The following BRINP2 variants were observed in gnomAD, a reference collection of about 807,000 sequenced individuals.
BRINP2 encodes the protein BMP/retinoic acid-inducible neural-specific protein 2.
A neutral mutation model predicts 69.2 loss-of-function variants in BRINP2; 21 were observed. The ratio of observed to expected loss-of-function variants is 0.30; its 90% CI spans 0.22 to 0.44. BRINP2 has a LOEUF of 0.44. BRINP2 is among the 20% of genes least tolerant of loss of function. The pLI is 1.00. For synonymous variants in BRINP2, 380 were observed against 394.1 expected, an observed-to-expected ratio of 0.96 and a Z score of 0.42; for missense variants, 877 against 986.0, an observed-to-expected ratio of 0.89 and a Z score of 1.48.
At chr1:177,197,744 C>A (rs1284867817) in intron 1 of BRINP2, among the ~76,000 whole-genome samples, 1 of 152,030 alleles carries the variant, frequency 6.6e-6, no homozygotes, top group East Asian at 1.9e-4. Flanking sequence ...TGCAAAAGGG[C>A]CAGAGAAAGG....
At chr1:177,220,431 T>G (rs765602780) in intron 1 of BRINP2, among the ~76,000 whole-genome samples, 2 of 152,048 alleles carry the variant, frequency 1.3e-5, no homozygotes, top group African/African-American at 2.4e-5. Context: ...AAGTGTGCAG[T>G]ACCTCCCCCA....
chr1:177,201,083 T>A (rs1648896006), intron 1 of BRINP2, among the ~76,000 whole-genome samples: 1 of 152,046 alleles, frequency 6.6e-6, no homozygotes, highest in South Asian at 2.1e-4. Flanking sequence ...TTGGGTACAG[T>A]GTATGCTGCT....
intron 1 of BRINP2, among the ~76,000 whole-genome samples, chr1:177,209,638 T>C (rs1167532651): frequency 6.6e-6 from 1 of 152,178 alleles, no homozygotes; most frequent in East Asian, 1.9e-4. Context: ...AGCAACCAAG[T>C]GTGAGACACT....
chr1:177,280,326 A>C (rs758693131), intron 7 of BRINP2, 86 bp from the exon 8 acceptor site: 14 of 1,312,068 alleles, frequency 1.1e-5, no homozygotes, highest in Non-Finnish European at 1.5e-5. Context: ...TTCCACGCCT[A>C]GTGGTCAATG....
intron 1 of BRINP2, among the ~76,000 whole-genome samples, chr1:177,198,828 C>T (rs930164811): frequency 3.9e-5 from 6 of 152,204 alleles, no homozygotes; most frequent in Non-Finnish European, 8.8e-5. Flanking sequence ...GCTCTGCAAA[C>T]ACCTTTTGAA....
intron 1 of BRINP2, among the ~76,000 whole-genome samples, chr1:177,210,971 T>A (rs1649205327): frequency 6.8e-6 from 1 of 146,512 alleles, no homozygotes; most frequent in Non-Finnish European, 1.5e-5. Flanking sequence ...TTAATATAGC[T>A]ATTAGTAAAT....
intron 1 of BRINP2, among the ~76,000 whole-genome samples, chr1:177,227,206 T>C (rs1558166792): frequency 6.6e-6 from 1 of 152,150 alleles, no homozygotes; most frequent in Non-Finnish European, 1.5e-5. Context: ...TCTTGGTCAT[T>C]TGGGAATTCT....
At position 177,171,196 on chromosome 1, in the gene BRINP2, GTC is replaced by G. The variant is rs1172122409; in HGVS notation, c.-609_-608del. 1.3e-5 allele frequency among the ~76,000 whole-genome samples: 2 copies of G among 152,246 alleles called. No homozygotes were observed. Among genetic ancestry groups the G allele is most frequent in the African/African-American group, 2.4e-5 (1 of 41,476 alleles). On this transcript the variant is annotated 5_prime_UTR_variant, in exon 1 of 8. Coordinates refer to ENST00000361539, the MANE Select transcript of BRINP2 (RefSeq NM_021165.4). ...AGGGAGCGGTGAAGCCGGAAGACCTGTCTCTGCCCATGTGCAAGGCAGTGATT... is the reference window on the plus strand; with the variant it reads ...AGGGAGCGGTGAAGCCGGAAGACCTGTCTGCCCATGTGCAAGGCAGTGATT...
At chr1:177,243,522 C>T (rs1433673303) in intron 2 of BRINP2, among the ~76,000 whole-genome samples, 1 of 152,102 alleles carries the variant, frequency 6.6e-6, no homozygotes. Flanking sequence ...GAAATGGGAG[C>T]ATGGCTACTT....
chr1:177,184,061 T>C (rs1340034138), intron 1 of BRINP2, among the ~76,000 whole-genome samples: 1 of 152,216 alleles, frequency 6.6e-6, no homozygotes, highest in East Asian at 1.9e-4. Flanking sequence ...CAGCTCCTTA[T>C]AGGCCGATGG....
intron 3 of BRINP2, chr1:177,256,636 T>G: frequency 9.7e-7 from 1 of 1,031,258 alleles, no homozygotes; most frequent in South Asian, 3.7e-5. Context: ...AGGATCAAAA[T>G]CTCTGAAGAT....
In BRINP2 at chr1:177,243,229, C is replaced by T. The variant is rs566256087; in HGVS notation, c.270-12690C>T. On this transcript the variant is annotated intron_variant, in intron 2 of 7. Transcript: ENST00000361539. ...ATAGGTAGTCTTACTCTACCAGACT[C>T]GTTTTATGCATAGAACGCTGTACAT... 2.8e-4 allele frequency among the ~76,000 whole-genome samples: 42 copies of T among 152,224 alleles called. No homozygotes were observed. In the South Asian group the frequency reaches 3.5e-3, roughly 13 times the overall value.
chr1:177,185,400 G>A (rs767875631), intron 1 of BRINP2, among the ~76,000 whole-genome samples: 8 of 152,064 alleles, frequency 5.3e-5, no homozygotes, highest in East Asian at 1.9e-4. Flanking sequence ...AAGTACTGCC[G>A]TAAGGGAGAA....
At chr1:177,262,826 G>A (rs1203268636) in intron 4 of BRINP2, among the ~76,000 whole-genome samples, 1 of 152,180 alleles carries the variant, frequency 6.6e-6, no homozygotes, top group Non-Finnish European at 1.5e-5. Flanking sequence ...GAGAATAAGA[G>A]CTAAGAGTGT....
At chr1:177,207,688 G>T (rs563876437) in intron 1 of BRINP2, among the ~76,000 whole-genome samples, 1 of 152,118 alleles carries the variant, frequency 6.6e-6, no homozygotes, top group Admixed American at 6.6e-5. Context: ...GTCAGTTGCC[G>T]ACATGGTGGC....
chr1:177,193,544 A>G (rs1648650589), intron 1 of BRINP2, among the ~76,000 whole-genome samples: 1 of 152,224 alleles, frequency 6.6e-6, no homozygotes, highest in Admixed American at 6.5e-5. Context: ...CAGGAACCAT[A>G]TAATTGAACG....
At chr1:177,174,938 A>G (rs751321383) in intron 1 of BRINP2, among the ~76,000 whole-genome samples, 3 of 152,208 alleles carry the variant, frequency 2.0e-5, no homozygotes, top group African/African-American at 2.4e-5. Flanking sequence ...GCTCAACCTC[A>G]GAGAGCTTAT....
At chr1:177,187,509 A>T (rs879292189) in intron 1 of BRINP2, among the ~76,000 whole-genome samples, 21 of 152,128 alleles carry the variant, frequency 1.4e-4, no homozygotes, top group Admixed American at 7.2e-4. Flanking sequence ...GACCTCACAC[A>T]TCCTGTGCAC....
chr1:177,238,781 A>C (rs1650111138), intron 2 of BRINP2, among the ~76,000 whole-genome samples: 1 of 152,254 alleles, frequency 6.6e-6, no homozygotes, highest in African/African-American at 2.4e-5. Context: ...GAAAGAAAGC[A>C]TTCTCTCTGT....
Sources: gnomAD v4.1 joint callset for allele counts (sites outside exome capture counted in the v4.1 genomes callset) on GRCh38, gnomAD v4.1.1 for gene constraint, MANE v1.5 for transcripts, NCBI Gene and HGNC (gene_info 2026-07-23, HGNC 2026-07-21) for gene names.